SLC22A24: variants seen among roughly 807,000 people sequenced by gnomAD.
SLC22A24 encodes steroid transmembrane transporter SLC22A24.
In SLC22A24, 53 loss-of-function variants were observed where a neutral mutation model predicts 49.8. That is an observed-to-expected ratio of 1.06 (90% CI 0.85 to 1.34). The LOEUF is 1.34. SLC22A24 is among the 40% of genes most tolerant of loss of function. SLC22A24 has a pLI of 0.00. For missense variants in SLC22A24, 786 were observed against 675.9 expected (o/e 1.16, Z -1.81); for synonymous variants, 302 against 256.4 (o/e 1.18, Z -1.70).
intron 2 of SLC22A24, among the ~76,000 whole-genome samples, chr11:63,123,653 C>A (rs1389213189): frequency 6.6e-6 from 1 of 152,172 alleles, no homozygotes; most frequent in Non-Finnish European, 1.5e-5. Context: ...ATAGTGGCAT[C>A]AGAATTTACT....
chr11:63,143,572 C>T lies in SLC22A24; in HGVS notation c.208G>A (p.Asp70Asn). 1 of 1,569,728 alleles carries T rather than the reference C, an allele frequency of 6.4e-7. No homozygotes were observed. Residue 70 changes from aspartate (D) to asparagine (N), a missense_variant, in exon 1 of 10, where the codon GAT (aspartate) becomes AAT (asparagine). Transcript: ENST00000612278. ...GGGATGGAGATTCTCAGGAGGTCAT[C>T]CTTGCTGAGGGTCCCGGTATCATTG... ...SDNDTGTLSK[D>N]DLLRISIPLD...
At chr11:63,080,548 A>G (rs952203122) in intron 9 of SLC22A24, among the ~76,000 whole-genome samples, 1 of 152,230 alleles carries the variant, frequency 6.6e-6, no homozygotes, top group African/African-American at 2.4e-5. Context: ...CATTGAGCCA[A>G]TGTGTGATAA....
intron 5 of SLC22A24, among the ~76,000 whole-genome samples, chr11:63,100,284 T>C (rs957598377): frequency 1.3e-5 from 2 of 151,952 alleles, no homozygotes; most frequent in Non-Finnish European, 2.9e-5. Context: ...CAGTGAACAA[T>C]CTGAAAAATA....
At chr11:63,106,884 G>C (rs938845922) in intron 4 of SLC22A24, among the ~76,000 whole-genome samples, 1 of 152,126 alleles carries the variant, frequency 6.6e-6, no homozygotes, top group Admixed American at 6.5e-5. Flanking sequence ...TAGGTTGCCT[G>C]TTCACTCTGA....
intron 4 of SLC22A24, chr11:63,116,148 G>A (rs1042782052): frequency 2.4e-6 from 1 of 425,146 alleles, no homozygotes; most frequent in Non-Finnish European, 4.0e-6. Flanking sequence ...TGCACTCATG[G>A]CCTTGGCATT....
intron 2 of SLC22A24, among the ~76,000 whole-genome samples, chr11:63,120,731 G>A (rs994202637): frequency 6.6e-6 from 1 of 151,970 alleles, no homozygotes; most frequent in African/African-American, 2.4e-5. Flanking sequence ...TTGGACACCT[G>A]TTCTGTAATT....
intron 4 of SLC22A24, among the ~76,000 whole-genome samples, chr11:63,110,755 C>T (rs556274182): frequency 1.0e-4 from 14 of 136,150 alleles, no homozygotes; most frequent in East Asian, 2.1e-4. Context: ...TGGGCTGAGA[C>T]GATGGGGTTT....
At chr11:63,113,529 A>T (rs1208404677) in intron 4 of SLC22A24, among the ~76,000 whole-genome samples, 1 of 151,974 alleles carries the variant, frequency 6.6e-6, no homozygotes, top group East Asian at 1.9e-4. Flanking sequence ...GTTTGGCTGT[A>T]TATGAAATTC....
chr11:63,098,690 CAAAT>C (rs2087070568), intron 5 of SLC22A24, among the ~76,000 whole-genome samples: 2 of 150,948 alleles, frequency 1.3e-5, no homozygotes, highest in Non-Finnish European at 3.0e-5. Flanking sequence ...AGCAAACAAA[CAAAT>C]AAAAAAACTA....
chr11:63,105,317 A>G (rs921061690), intron 4 of SLC22A24, among the ~76,000 whole-genome samples: 2 of 151,318 alleles, frequency 1.3e-5, no homozygotes, highest in African/African-American at 2.4e-5. Flanking sequence ...TCACAGCTCC[A>G]CTCAGCAGTG....
intron 1 of SLC22A24, among the ~76,000 whole-genome samples, chr11:63,141,018 A>G (rs1331124371): frequency 6.6e-6 from 1 of 152,252 alleles, no homozygotes; most frequent in Non-Finnish European, 1.5e-5. Flanking sequence ...AGGTTAGAAC[A>G]CTAATCATAC....
chr11:63,083,532 G>C, intron 6 of SLC22A24, 75 bp from the exon 7 acceptor site: 1 of 1,233,624 alleles, frequency 8.1e-7, no homozygotes, highest in Non-Finnish European at 1.1e-6. Flanking sequence ...AGATTTTGAA[G>C]GTAAGTCCTA....
intron 1 of SLC22A24, among the ~76,000 whole-genome samples, chr11:63,140,200 C>G (rs10897374): frequency 0.76 from 114,578 of 150,696 alleles, 45,117 homozygotes; most frequent in East Asian, 0.9. Context: ...TCCTGCCTCA[C>G]CCTCCTGAGT....
At chr11:63,139,937 T>C (rs1485524573) in intron 1 of SLC22A24, among the ~76,000 whole-genome samples, 2 of 152,142 alleles carry the variant, frequency 1.3e-5, no homozygotes, top group African/African-American at 2.4e-5. Flanking sequence ...GTGATATTTA[T>C]ATGTAAAAGA....
intron 4 of SLC22A24, chr11:63,116,339 G>C (rs2087213086): frequency 9.7e-6 from 2 of 207,226 alleles, no homozygotes; most frequent in Non-Finnish European, 2.0e-5. Context: ...ACTTGGTTAT[G>C]TCTGCACCTT....
chr11:63,109,711 A>G (rs2087148371), intron 4 of SLC22A24, among the ~76,000 whole-genome samples: 1 of 151,994 alleles, frequency 6.6e-6, no homozygotes, highest in African/African-American at 2.4e-5. Flanking sequence ...TTTTTCTTGT[A>G]AATTTGCTTG....
chr11:63,115,011 A>G (rs528873353), intron 4 of SLC22A24, among the ~76,000 whole-genome samples: 1 of 152,328 alleles, frequency 6.6e-6, no homozygotes, highest in South Asian at 2.1e-4. Flanking sequence ...GTTAGGCTAC[A>G]TAGGGTTCAG....
chr11:63,110,812 C>T (rs1191930407), intron 4 of SLC22A24, among the ~76,000 whole-genome samples: 7 of 141,554 alleles, frequency 4.9e-5, no homozygotes, highest in African/African-American at 7.6e-5. Flanking sequence ...AATTTGACTT[C>T]CTCTTTTCCT....
intron 5 of SLC22A24, among the ~76,000 whole-genome samples, 170 bp from the exon 6 acceptor site, chr11:63,096,276 A>G (rs2087054688): frequency 6.6e-6 from 1 of 152,196 alleles, no homozygotes. Flanking sequence ...GAAGTGTTAC[A>G]AAAGGTGTAG....
Sources: gnomAD v4.1 joint callset for allele counts (sites outside exome capture counted in the v4.1 genomes callset) on GRCh38, gnomAD v4.1.1 for gene constraint, MANE v1.5 for transcripts, NCBI Gene and HGNC (gene_info 2026-07-23, HGNC 2026-07-21) for gene names.